The following CDH18 variants were observed in gnomAD, a reference collection of about 807,000 sequenced individuals.
CDH18 encodes the protein cadherin 18, also known as cadherin-18.
In CDH18, 31 loss-of-function variants were observed where a neutral mutation model predicts 67.9. That is an observed-to-expected ratio of 0.46 (90% confidence interval 0.34 to 0.62). CDH18 has a LOEUF of 0.62. Among genes scored for constraint, CDH18 ranks in the 20% least tolerant of loss-of-function variants. The pLI, the probability that CDH18 is intolerant of heterozygous loss-of-function variation, is 0.01. For missense variants in CDH18, 890 were observed against 975.5 expected, an observed-to-expected ratio of 0.91 and a Z score of 1.17; for synonymous variants, 362 against 347.2, an observed-to-expected ratio of 1.04 and a Z score of -0.48.
intron 1 of CDH18, among the ~76,000 whole-genome samples, chr5:20,386,532 T>C (rs1744321924): frequency 6.6e-6 from 1 of 152,140 alleles, no homozygotes; most frequent in African/African-American, 2.4e-5. Flanking sequence ...ACATTACTAA[T>C]ATATCCACAT....
At chr5:20,574,688 A>C (rs1759019253) in intron 1 of CDH18, among the ~76,000 whole-genome samples, 1 of 152,094 alleles carries the variant, frequency 6.6e-6, no homozygotes, top group African/African-American at 2.4e-5. Context: ...CATTTTAAAA[A>C]ACTCTATTCT....
At chr5:20,478,500 T>C (rs1752583637) in intron 1 of CDH18, among the ~76,000 whole-genome samples, 1 of 150,588 alleles carries the variant, frequency 6.6e-6, no homozygotes, top group African/African-American at 2.5e-5. Flanking sequence ...ATGGTAGTCA[T>C]GGGGATAAAA....
chr5:20,026,772 C>T (rs1332884683), intron 2 of CDH18, among the ~76,000 whole-genome samples: 3 of 152,050 alleles, frequency 2.0e-5, no homozygotes, highest in Admixed American at 2.0e-4. Context: ...TTCTAGCTAA[C>T]ATGGTGAATC....
At chr5:19,717,942 T>G (rs1301708623) in intron 5 of CDH18, among the ~76,000 whole-genome samples, 8 of 152,024 alleles carry the variant, frequency 5.3e-5, no homozygotes, top group Non-Finnish European at 1.5e-5. Flanking sequence ...TGGTACACAC[T>G]GAACACAAAT....
At chr5:19,841,899 A>G (rs573961653) in intron 2 of CDH18, among the ~76,000 whole-genome samples, 2 of 152,342 alleles carry the variant, frequency 1.3e-5, no homozygotes, top group Non-Finnish European at 2.9e-5. Flanking sequence ...ACAATTATGA[A>G]AATAGATATA....
chr5:19,980,941 T>G (rs945342797), intron 2 of CDH18, 119 bp downstream of exon 2: 1 of 152,210 alleles, frequency 6.6e-6, no homozygotes, highest in Non-Finnish European at 1.5e-5. Context: ...AGCCCTCTTA[T>G]TGTTTAGGAT....
At chr5:20,493,263 T>G (rs1753694406) in intron 1 of CDH18, among the ~76,000 whole-genome samples, 1 of 147,328 alleles carries the variant, frequency 6.8e-6, no homozygotes, top group Admixed American at 7.0e-5. Flanking sequence ...GCAGGAGAAT[T>G]GCTTGAGCCT....
In CDH18 at chr5:19,587,921, C is replaced by T. The variant is rs531256793; in HGVS notation, c.999+3136G>A. On this transcript the variant is annotated intron_variant, in intron 7 of 12. Transcript: ENST00000382275. Reference sequence around the variant, plus strand: ...GATATTGATTCTTCCTATCCATGAGCATGGAATTTTTTTCGTTTGTTTCTG... The same window carrying T: ...GATATTGATTCTTCCTATCCATGAGTATGGAATTTTTTTCGTTTGTTTCTG... 7.2e-5 allele frequency among the ~76,000 whole-genome samples: 11 copies of T among 152,110 alleles called. No homozygotes were observed. The South Asian group carries it at 2.1e-3, about 29-fold the overall frequency.
chr5:20,560,513 C>CA (rs1758149447), intron 1 of CDH18, among the ~76,000 whole-genome samples: 4 of 81,024 alleles, frequency 4.9e-5, no homozygotes, highest in Non-Finnish European at 9.1e-5. Context: ...ACACACACAC[C>CA]CCTACATTCA....
chr5:19,774,692 T>C (rs865783991), intron 3 of CDH18, among the ~76,000 whole-genome samples: 15 of 149,510 alleles, frequency 1.0e-4, no homozygotes, highest in Non-Finnish European at 2.1e-4. Context: ...TGGGGTGGTA[T>C]GCACCTATAG....
At chr5:20,370,958 A>G (rs555154014) in intron 1 of CDH18, among the ~76,000 whole-genome samples, 1 of 151,456 alleles carries the variant, frequency 6.6e-6, no homozygotes, top group South Asian at 2.1e-4. Context: ...AATCGTTTGA[A>G]CCTGGGAAGT....
chr5:19,545,274 C>T (rs770004923), intron 8 of CDH18, among the ~76,000 whole-genome samples: 4 of 151,882 alleles, frequency 2.6e-5, no homozygotes, highest in African/African-American at 7.3e-5. Context: ...ATGCAAAGAT[C>T]GAAATTAAAG....
chr5:19,724,201 G>C (rs1374905867), intron 4 of CDH18, among the ~76,000 whole-genome samples: 1 of 151,946 alleles, frequency 6.6e-6, no homozygotes, highest in Non-Finnish European at 1.5e-5. Flanking sequence ...TAGACTATGG[G>C]TACATGCAAC....
intron 5 of CDH18, among the ~76,000 whole-genome samples, chr5:19,669,480 G>A (rs368103938): frequency 2.0e-5 from 3 of 151,682 alleles, no homozygotes; most frequent in South Asian, 4.2e-4. Flanking sequence ...TAGCAGAGAC[G>A]GGGTTTCTCC....
chr5:20,418,127 G>C (rs1046667011), intron 1 of CDH18, among the ~76,000 whole-genome samples: 6 of 151,892 alleles, frequency 4.0e-5, no homozygotes, highest in Non-Finnish European at 7.4e-5. Flanking sequence ...CGGGGCTGGA[G>C]TGCAGTGGCG....
intron 1 of CDH18, among the ~76,000 whole-genome samples, chr5:20,339,618 T>C (rs905110240): frequency 6.6e-6 from 1 of 152,000 alleles, no homozygotes; most frequent in Non-Finnish European, 1.5e-5. Context: ...CCCGTCAAAC[T>C]TACCCCATTC....
chr5:20,341,267 C>T (rs900270095), intron 1 of CDH18, among the ~76,000 whole-genome samples: 6 of 152,034 alleles, frequency 3.9e-5, no homozygotes, highest in Non-Finnish European at 7.3e-5. Context: ...GGGTGAGCAC[C>T]ATCAAATCAG....
chr5:20,149,763 G>C (rs1057216652), intron 2 of CDH18, among the ~76,000 whole-genome samples: 5 of 152,092 alleles, frequency 3.3e-5, no homozygotes, highest in Admixed American at 2.6e-4. Context: ...AACCAGACTA[G>C]TATGATCTTT....
At chr5:20,310,744 C>T (rs558789000) in intron 1 of CDH18, among the ~76,000 whole-genome samples, 28 of 152,292 alleles carry the variant, frequency 1.8e-4, no homozygotes, top group African/African-American at 6.5e-4. Flanking sequence ...CCACTTACTT[C>T]TAGAAACACT....
Sources: allele counts gnomAD v4.1 joint callset (sites outside exome capture counted in the v4.1 genomes callset), GRCh38; gene constraint gnomAD v4.1.1; transcripts MANE v1.5; gene names NCBI Gene and HGNC (gene_info 2026-07-23, HGNC 2026-07-21).